Variants in RUNX3 observed in about 807,000 individuals in gnomAD.
RUNX3 encodes RUNX family transcription factor 3.
In RUNX3, 10 loss-of-function variants were observed where a neutral mutation model predicts 27.7. That is an observed-to-expected ratio of 0.36 (90% CI 0.22 to 0.61). The LOEUF (loss-of-function observed/expected upper bound fraction) is 0.61. RUNX3 is among the 20% of genes least tolerant of loss of function. The pLI is 0.72. For missense variants in RUNX3, 469 were observed against 629.5 expected (o/e 0.75, Z 2.73); for synonymous variants, 270 against 269.2 (o/e 1.00, Z -0.03).
chr1:24,903,652 G>A (rs1349941135), intron 4 of RUNX3, among the ~76,000 whole-genome samples: 5 of 152,178 alleles, frequency 3.3e-5, no homozygotes, highest in African/African-American at 1.2e-4. Flanking sequence ...GACAGGGTGA[G>A]GCACTTCCCT....
upstream of RUNX3, chr1:24,930,291 C>T (rs1641193711): frequency 2.1e-6 from 2 of 973,026 alleles, no homozygotes; most frequent in Non-Finnish European, 2.4e-6. This position sits in a 1 kb window ranked among gnomAD's most constrained non-coding sequence, Gnocchi z 4.1. Flanking sequence ...CCGCGGCCGC[C>T]CGCGCGGGGT....
intron 3 of RUNX3, among the ~76,000 whole-genome samples, chr1:24,914,014 A>G (rs1442261689): frequency 6.6e-6 from 1 of 152,220 alleles, no homozygotes; most frequent in East Asian, 1.9e-4. Context: ...TTACAGATGG[A>G]AAAGTGGAGG....
chr1:24,953,017 T>G (rs188669387), intron 2 of RUNX3, among the ~76,000 whole-genome samples: 1 of 152,312 alleles, frequency 6.6e-6, no homozygotes, highest in Admixed American at 6.5e-5. Flanking sequence ...TTCTTTTGAT[T>G]ACTAAAGCAG....
chr1:24,905,487 G>A (rs920404987), intron 4 of RUNX3, among the ~76,000 whole-genome samples: 1 of 152,220 alleles, frequency 6.6e-6, no homozygotes, highest in African/African-American at 2.4e-5. Flanking sequence ...GGGGGCTAGC[G>A]AGGGACTGGG....
chr1:24,929,757 C>A lies in RUNX3; in HGVS notation c.112G>T (p.Ala38Ser). 6.8e-7 allele frequency: 1 copy of A among 1,464,612 alleles called. No homozygotes were observed. 90.7% of individuals were successfully genotyped at this position (1,464,612 alleles called of 1,614,324 possible). The change falls in exon 1 of 5, where the codon GCG becomes TCG. Residue 38 changes from alanine to serine, a missense_variant. This residue lies in a region of RUNX3 where 115 missense variants were observed against 118.0 expected (regional missense o/e 0.97). Transcript: ENST00000308873. ...CCTCCGGGCCCCACGGCCGCCTGCG[C>A]GCTCAGCGCGCCGCTGTTCTCGCCC... The part of the protein sequence containing the change: ...KMGENSGALS[A>S]QAAVGPGGRA...
rs570063582 is a variant in RUNX3, at chr1:24,915,710, G to T, written c.544+3530C>A. 3.3e-3 allele frequency among the ~76,000 whole-genome samples: 498 copies of T among 152,192 alleles called. 3 individuals carry two copies. Among genetic ancestry groups the T allele is most frequent in the Non-Finnish European group, 4.8e-3 (328 of 67,992 alleles). ...AGCAGTGCAAAGGCCCCCGAGGCAG[G>T]AGTGTCCCTGGCAAGTTCAAAGACC... is the stretch of plus-strand genomic sequence containing the variant. On this transcript the variant is annotated intron_variant, in intron 3 of 4. Transcript: ENST00000308873.
At position 24,916,075 on chromosome 1, in the gene RUNX3, C is replaced by T. The variant is rs1342078099; in HGVS notation, c.544+3165G>A. On this transcript the variant is annotated intron_variant, in intron 3 of 4. Transcript: ENST00000308873. This position sits in a 1 kb window ranked among gnomAD's most constrained non-coding sequence, Gnocchi z 4.8. ...GGGAACGACCCGGCCACAGAACCCACAGCCGGCCTCAGGGATCTACAGATT... is the reference window on the plus strand; with the variant it reads ...GGGAACGACCCGGCCACAGAACCCATAGCCGGCCTCAGGGATCTACAGATT... 6.6e-6 allele frequency among the ~76,000 whole-genome samples: 1 copy of T among 152,254 alleles called. No individual in the cohort carries two copies. The highest frequency in any genetic ancestry group is 1.5e-5 in the Non-Finnish European group (1 of 68,040).
At chr1:24,925,748 T>G (rs1199210395) in intron 2 of RUNX3, among the ~76,000 whole-genome samples, 2 of 151,712 alleles carry the variant, frequency 1.3e-5, no homozygotes, top group African/African-American at 2.4e-5. Flanking sequence ...CTGAGACTGG[T>G]TATGGACCTC....
At position 24,899,985 on chromosome 1, in the gene RUNX3, T is replaced by A. The variant is rs1386430946; in HGVS notation, c.*2137A>T. 1 of 152,416 alleles carries A rather than the reference T, an allele frequency of 6.6e-6. No individual in the cohort carries two copies. The highest frequency in any genetic ancestry group is 1.5e-5 in the Non-Finnish European group (1 of 68,112). The allele number at this position is 152,416 out of a possible 1,614,324, so 9.4% of individuals were successfully genotyped here. A position where few individuals can be genotyped will look rare whatever the true frequency, so the allele number is the denominator to read the frequency against. ...GATGGGGTAGGAAGAGCAATTTATT[T>A]ACTATCCCTGCCTCTCCAGGATCAG... On this transcript the variant is annotated 3_prime_UTR_variant, in exon 5 of 5. Coordinates refer to ENST00000308873, the MANE Select transcript of RUNX3 (RefSeq NM_004350.3).
chr1:24,951,927 C>T (rs758098966), intron 2 of RUNX3, among the ~76,000 whole-genome samples: 12 of 152,142 alleles, frequency 7.9e-5, no homozygotes, highest in Non-Finnish European at 1.5e-4. Context: ...CAAGATTATG[C>T]CACTGCACTC....
intron 2 of RUNX3, among the ~76,000 whole-genome samples, chr1:24,947,458 T>G (rs1007662119): frequency 1.3e-5 from 2 of 152,076 alleles, no homozygotes; most frequent in African/African-American, 4.8e-5. Flanking sequence ...AGATACTCAG[T>G]GCTGAGTCAA....
intron 2 of RUNX3, among the ~76,000 whole-genome samples, chr1:24,954,413 A>AT (rs1641859610): frequency 6.6e-6 from 1 of 152,224 alleles, no homozygotes; most frequent in Non-Finnish European, 1.5e-5. Context: ...TTCATAAAGA[A>AT]TGGAAGCCCA....
upstream of RUNX3, among the ~76,000 whole-genome samples, chr1:24,931,045 T>C (rs963094069): frequency 6.6e-6 from 1 of 152,240 alleles, no homozygotes; most frequent in Non-Finnish European, 1.5e-5. Flanking sequence ...CCTGTGGCTC[T>C]TTGAAAAACA....
chr1:24,932,611 T>G (rs1259909702), upstream of RUNX3, among the ~76,000 whole-genome samples: 2 of 152,198 alleles, frequency 1.3e-5, no homozygotes, highest in African/African-American at 4.8e-5. Context: ...TCTGATAAGA[T>G]GGACGCCTTC....
chr1:24,950,100 G>A (rs1280177475), intron 2 of RUNX3, among the ~76,000 whole-genome samples: 16 of 152,188 alleles, frequency 1.1e-4, no homozygotes, highest in Admixed American at 9.2e-4. Context: ...CCTCAGGCAG[G>A]GCCAGTTACC....
At chr1:24,940,108 G>A (rs1484476438) in intron 2 of RUNX3, among the ~76,000 whole-genome samples, 1 of 152,204 alleles carries the variant, frequency 6.6e-6, no homozygotes, top group Non-Finnish European at 1.5e-5. Context: ...TCTATGAAGA[G>A]CTCCCAGGTG....
chr1:24,929,708 G>C lies in RUNX3; in HGVS notation c.161C>G (p.Ser54Trp). The C allele has an allele frequency of 1.3e-6, 2 of 1,551,346 alleles. No homozygotes were observed. Among genetic ancestry groups the C allele is most frequent in the Non-Finnish European group, 1.7e-6 (2 of 1,158,450 alleles). The change falls in exon 1 of 5, where the codon TCG becomes TGG. Residue 54 changes from serine (S) to tryptophan (W), a missense_variant. Ser to Trp is a radical substitution (Grantham distance 177, BLOSUM62 -3). Transcript: ENST00000308873. ...PGGRARPEVR[S>W]MVDVLADHAG... ...GTGGTCCGCCAGCACGTCCACCATCGAGCGCACCTCGGGCCGGGCGCGCCC... is the reference window on the plus strand; with the variant it reads ...GTGGTCCGCCAGCACGTCCACCATCCAGCGCACCTCGGGCCGGGCGCGCCC...
intron 3 of RUNX3, among the ~76,000 whole-genome samples, chr1:24,915,554 G>C (rs1190148857): frequency 1.3e-5 from 2 of 152,238 alleles, no homozygotes; most frequent in Non-Finnish European, 2.9e-5. Context: ...AAAAGGGGGA[G>C]AGGTGAGGAA....
At chr1:24,917,300 C>T (rs1376591391) in intron 3 of RUNX3, among the ~76,000 whole-genome samples, 2 of 152,214 alleles carry the variant, frequency 1.3e-5, no homozygotes, top group Admixed American at 1.3e-4. Flanking sequence ...CCACCTCCTT[C>T]AATGGAGACT....
Sources: allele counts gnomAD v4.1 joint callset (sites outside exome capture counted in the v4.1 genomes callset), GRCh38; gene constraint gnomAD v4.1.1; regional missense constraint gnomAD v4.1.1; non-coding constraint Gnocchi (gnomAD v3.1); transcripts MANE v1.5; gene names NCBI Gene and HGNC (gene_info 2026-07-23, HGNC 2026-07-21).